The following SMCP variants were observed in gnomAD, a reference collection of about 807,000 sequenced individuals.
SMCP encodes the protein sperm mitochondria associated cysteine rich protein.
For missense variants in SMCP, 137 were observed against 137.1 expected (o/e 1.00, Z 0.01); for synonymous variants, 41 against 46.9 (o/e 0.87, Z 0.51).
chr1:152,882,379 C>G (rs1267117189), intron 1 of SMCP, among the ~76,000 whole-genome samples: 2 of 152,208 alleles, frequency 1.3e-5, no homozygotes, highest in Non-Finnish European at 2.9e-5. Flanking sequence ...ATGTGGCTTT[C>G]TAAACATCAG....
At chr1:152,881,486 A>G (rs1215709497) in intron 1 of SMCP, among the ~76,000 whole-genome samples, 6 of 151,700 alleles carry the variant, frequency 4.0e-5, no homozygotes, top group African/African-American at 1.5e-4. Context: ...CAGGAGATCG[A>G]GACCATCCTG....
At chr1:152,880,464 A>G (rs1342629222) in intron 1 of SMCP, among the ~76,000 whole-genome samples, 1 of 152,018 alleles carries the variant, frequency 6.6e-6, no homozygotes, top group Non-Finnish European at 1.5e-5. Context: ...CTATTTTTAT[A>G]CTGGTCTGTC....
intron 1 of SMCP, among the ~76,000 whole-genome samples, chr1:152,881,766 C>G (rs1252970118): frequency 6.6e-6 from 1 of 150,966 alleles, no homozygotes; most frequent in African/African-American, 2.4e-5. Context: ...AATCGATTCA[C>G]AGTTCCACAT....
intron 1 of SMCP, among the ~76,000 whole-genome samples, chr1:152,882,450 A>G (rs747740573): frequency 1.3e-5 from 2 of 152,184 alleles, no homozygotes; most frequent in Non-Finnish European, 2.9e-5. Flanking sequence ...GATAGGATAG[A>G]GGGCAAGTAG....
At chr1:152,878,897 G>C (rs1648951756) in intron 1 of SMCP, among the ~76,000 whole-genome samples, 1 of 152,184 alleles carries the variant, frequency 6.6e-6, no homozygotes, top group South Asian at 2.1e-4. Flanking sequence ...AGCTGGGAAA[G>C]AGCACATTCA....
intron 1 of SMCP, among the ~76,000 whole-genome samples, chr1:152,879,500 T>G (rs564507947): frequency 1.3e-5 from 2 of 152,186 alleles, no homozygotes; most frequent in South Asian, 4.1e-4. Context: ...GGACAACAGG[T>G]GTGAGCCATT....
In SMCP at chr1:152,878,386, C is replaced by T. The variant is rs1204549986; in HGVS notation, c.-81C>T. 1 of 152,640 alleles carries T rather than the reference C, an allele frequency of 6.6e-6. No homozygotes were observed. The highest frequency in any genetic ancestry group is 1.5e-5 in the Non-Finnish European group (1 of 68,062). The allele number at this position is 152,640 out of a possible 1,614,324, so 9.5% of individuals were successfully genotyped here. On this transcript the variant is annotated 5_prime_UTR_variant, in exon 1 of 2. Coordinates refer to ENST00000368765, the MANE Select transcript of SMCP (RefSeq NM_030663.3). ...TGCTGAGGAAGATCAATAATACCTA[C>T]TGGAATCAGTCATGAGAAGTCAAGC... is the stretch of plus-strand genomic sequence containing the variant.
intron 1 of SMCP, among the ~76,000 whole-genome samples, chr1:152,882,781 C>T (rs777320328): frequency 2.0e-5 from 3 of 152,332 alleles, no homozygotes; most frequent in South Asian, 2.1e-4. Flanking sequence ...CATTGGCTCA[C>T]GCCTGTAATC....
At chr1:152,880,797 G>C (rs1417578570) in intron 1 of SMCP, among the ~76,000 whole-genome samples, 1 of 151,924 alleles carries the variant, frequency 6.6e-6, no homozygotes, top group African/African-American at 2.4e-5. Flanking sequence ...TTTTTAGGTG[G>C]GAACTGCCCT....
In SMCP at chr1:152,884,529, C is replaced by T; in HGVS notation, c.107C>T (p.Pro36Leu). Residue 36 changes from proline to leucine, a missense_variant, in exon 2 of 2, where the codon CCA becomes CTA. Coordinates refer to ENST00000368765, the MANE Select transcript of SMCP (RefSeq NM_030663.3). ...CAGTCAAAAGGCAATCAATGCTGCC[C>T]ACCAAAACAGAACCAGTGCTGCCAG... ...CCQSKGNQCC[P>L]PKQNQCCQPK... The T allele has an allele frequency of 1.9e-6, 3 of 1,613,998 alleles. No homozygotes were observed. The highest frequency in any genetic ancestry group is 2.5e-6 in the Non-Finnish European group (3 of 1,179,988).
chr1:152,880,672 T>G (rs1404616899), intron 1 of SMCP, among the ~76,000 whole-genome samples: 1 of 152,118 alleles, frequency 6.6e-6, no homozygotes, highest in Non-Finnish European at 1.5e-5. Flanking sequence ...AGTGTCTTCC[T>G]CTTAAATGGA....
intron 1 of SMCP, 147 bp from the exon 2 acceptor site, chr1:152,884,256 G>A: frequency 5.9e-6 from 4 of 673,736 alleles, no homozygotes; most frequent in Non-Finnish European, 1.0e-5. Flanking sequence ...GGGGCTGGCT[G>A]GCCTCTCTGA....
intron 1 of SMCP, among the ~76,000 whole-genome samples, chr1:152,880,878 G>A (rs1649008794): frequency 6.6e-6 from 1 of 152,036 alleles, no homozygotes; most frequent in Admixed American, 6.6e-5. Flanking sequence ...AGGTGGCAGG[G>A]CCTTAAGAGA....
At chr1:152,881,455 G>A (rs1297818335) in intron 1 of SMCP, among the ~76,000 whole-genome samples, 10 of 151,918 alleles carry the variant, frequency 6.6e-5, no homozygotes, top group African/African-American at 1.9e-4. Flanking sequence ...TTGGGAGGCC[G>A]AGGCGGGTGG....
chr1:152,881,255 G>A (rs1385607618), intron 1 of SMCP, among the ~76,000 whole-genome samples: 3 of 152,100 alleles, frequency 2.0e-5, no homozygotes, highest in African/African-American at 4.8e-5. Context: ...AGTCACAAGG[G>A]TGATTCAGAT....
intron 1 of SMCP, among the ~76,000 whole-genome samples, chr1:152,880,689 G>A (rs1033033349): frequency 6.6e-6 from 1 of 151,978 alleles, no homozygotes; most frequent in Non-Finnish European, 1.5e-5. Flanking sequence ...TGGAAGCAGG[G>A]GCCTTTTCCT....
chr1:152,878,702 T>C (rs936371878), intron 1 of SMCP, among the ~76,000 whole-genome samples: 4 of 152,078 alleles, frequency 2.6e-5, no homozygotes, highest in African/African-American at 9.7e-5. Flanking sequence ...AGTGAGACAA[T>C]TGGGAAAATA....
intron 1 of SMCP, among the ~76,000 whole-genome samples, chr1:152,879,075 A>G (rs1463146667): frequency 6.6e-6 from 1 of 152,140 alleles, no homozygotes; most frequent in African/African-American, 2.4e-5. Context: ...CTCTGAATAG[A>G]GCAATAAGAG....
chr1:152,881,215 AG>A (rs1268024828), intron 1 of SMCP, among the ~76,000 whole-genome samples: 1 of 152,086 alleles, frequency 6.6e-6, no homozygotes, highest in African/African-American at 2.4e-5. Context: ...CCCATCATTC[AG>A]GATAGCCACA....
Sources: allele counts gnomAD v4.1 joint callset (sites outside exome capture counted in the v4.1 genomes callset), GRCh38; gene constraint gnomAD v4.1.1; transcripts MANE v1.5; gene names NCBI Gene and HGNC (gene_info 2026-07-23, HGNC 2026-07-21).